MARCHF6: variants seen among roughly 807,000 people sequenced by gnomAD.
MARCHF6 encodes membrane associated ring-CH-type finger 6, also known as E3 ubiquitin-protein ligase MARCHF6.
MARCHF6 carries 31 observed loss-of-function variants against 133.7 expected under a neutral mutation model. That is an observed-to-expected ratio of 0.23 (90% CI 0.17 to 0.31). MARCHF6 has a LOEUF of 0.31. Among genes scored for constraint, MARCHF6 ranks in the 10% least tolerant of loss-of-function variants. The pLI is 1.00. For missense variants in MARCHF6, 723 were observed against 1,121.6 expected (o/e 0.64, Z 5.08); for synonymous variants, 395 against 402.5 (o/e 0.98, Z 0.22).
intron 22 of MARCHF6, among the ~76,000 whole-genome samples, chr5:10,420,514 C>A (rs1291315819): frequency 6.6e-6 from 1 of 152,184 alleles, no homozygotes; most frequent in South Asian, 2.1e-4. Flanking sequence ...CAAACAGATA[C>A]TATCTGCCTT....
chr5:10,391,436 GTTTTTTTTTTTTT>G (rs35378319), intron 6 of MARCHF6, 93 bp from the exon 7 acceptor site: 38 of 306,374 alleles, frequency 1.2e-4, no homozygotes, highest in African/African-American at 1.6e-4. Context: ...CCTGGCCTAG[GTTTTTTTTTTTTT>G]TTTTTTTTTT....
At chr5:10,379,568 C>T (rs924269073) in intron 3 of MARCHF6, among the ~76,000 whole-genome samples, 5 of 151,874 alleles carry the variant, frequency 3.3e-5, no homozygotes, top group African/African-American at 7.3e-5. Context: ...TCACGCCATT[C>T]TCCTGCCTCA....
rs554288871 is a variant in MARCHF6, at chr5:10,384,212, G to A, written c.334+2269G>A. 1.4e-4 allele frequency among the ~76,000 whole-genome samples: 21 copies of A among 152,028 alleles called. No individual in the cohort carries two copies. The South Asian group carries it at 4.4e-3, about 32-fold the overall frequency. ...AAGAAACTTCTAAAATAAAATACAG[G>A]AGAATAAGCATAAAACAAAATATTA... On this transcript the variant is annotated intron_variant, in intron 4 of 25. Coordinates refer to ENST00000274140, the MANE Select transcript of MARCHF6 (RefSeq NM_005885.4).
chr5:10,409,896 T>C (rs572373592), intron 17 of MARCHF6, among the ~76,000 whole-genome samples: 2 of 152,208 alleles, frequency 1.3e-5, no homozygotes, highest in East Asian at 1.9e-4. Flanking sequence ...GCTACTAATA[T>C]AGCAAGTGAG....
Position 10,410,287 on chromosome 5 carries a change from G to A in MARCHF6, c.1691+11G>A, listed in dbSNP as rs374703059. 6.8e-6 allele frequency: 11 copies of A among 1,611,528 alleles called. No individual in the cohort carries two copies. The highest frequency in any genetic ancestry group is 5.9e-6 in the Non-Finnish European group (7 of 1,179,590). On this transcript the variant is annotated intron_variant, in intron 18 of 25. Coordinates refer to ENST00000274140, the MANE Select transcript of MARCHF6 (RefSeq NM_005885.4). The stretch of plus-strand genomic sequence containing the variant: ...CGCCGGATACTTGCTGTGAGTATGG[G>A]CAGCTGACTCCTTGGACATGCATGT...
chr5:10,356,849 C>T (rs997524010), intron 1 of MARCHF6, among the ~76,000 whole-genome samples: 3 of 152,124 alleles, frequency 2.0e-5, no homozygotes, highest in Non-Finnish European at 2.9e-5. Flanking sequence ...TAGTCTGATG[C>T]TCAGAATGTT....
chr5:10,417,294 G>A lies in MARCHF6; in HGVS notation c.2173G>A (p.Val725Met). The A allele has an allele frequency of 2.5e-6, 4 of 1,613,694 alleles. No homozygotes were observed. The highest frequency in any genetic ancestry group is 3.4e-6 in the Non-Finnish European group (4 of 1,179,928). ...GATCATGAAGACTTTGATAGTTGCG[G>A]TGCTGTTGGCTGGAGTTGTCCCTCT... ...LMIMKTLIVA[V>M]LLAGVVPLLL... Residue 725 changes from valine (V) to methionine (M), a missense_variant, in exon 22 of 26, where the codon GTG becomes ATG. Around this residue, in one of 4 missense-constraint regions of MARCHF6, gnomAD observed 492 missense variants for 699.5 expected, o/e 0.70. Coordinates refer to ENST00000274140, the MANE Select transcript of MARCHF6 (RefSeq NM_005885.4).
chr5:10,418,012 C>T (rs1739616757), intron 22 of MARCHF6, among the ~76,000 whole-genome samples: 1 of 152,050 alleles, frequency 6.6e-6, no homozygotes, highest in African/African-American at 2.4e-5. Context: ...TTGTCTTACT[C>T]CTTTTGACTT....
At chr5:10,430,486 A>T (rs1740311846) in intron 25 of MARCHF6, among the ~76,000 whole-genome samples, 1 of 151,758 alleles carries the variant, frequency 6.6e-6, no homozygotes, top group South Asian at 2.1e-4. Context: ...TTGTATTTTT[A>T]GTAGAGACAG....
Position 10,435,695 on chromosome 5 carries a change from A to T in MARCHF6, c.*2011A>T, listed in dbSNP as rs866339049. ...TATATATATATATATATATATATAT[A>T]TATTTTTTTTTTTTTTTTTTTTTTT... On this transcript the variant is annotated 3_prime_UTR_variant, in exon 26 of 26. Coordinates refer to ENST00000274140, the MANE Select transcript of MARCHF6 (RefSeq NM_005885.4). 0.084 allele frequency: 688 copies of T among 8,176 alleles called. 118 individuals carry two copies. The highest frequency in any genetic ancestry group is 0.27 in the African/African-American group (492 of 1,828). The allele number at this position is 8,176 out of a possible 1,614,324, so 0.5% of individuals were successfully genotyped here.
chr5:10,358,981 AC>A (rs1735650621), intron 1 of MARCHF6, among the ~76,000 whole-genome samples: 1 of 152,228 alleles, frequency 6.6e-6, no homozygotes, highest in South Asian at 2.1e-4. Flanking sequence ...CGTAGTGCAT[AC>A]TGTGCTACTG....
intron 15 of MARCHF6, among the ~76,000 whole-genome samples, chr5:10,405,323 T>C (rs1298426812): frequency 6.6e-6 from 1 of 152,158 alleles, no homozygotes; most frequent in Non-Finnish European, 1.5e-5. Context: ...AATGTTTTTT[T>C]TTTCCCCCGC....
At chr5:10,373,602 G>A (rs1736589378) in intron 1 of MARCHF6, among the ~76,000 whole-genome samples, 1 of 152,188 alleles carries the variant, frequency 6.6e-6, no homozygotes, top group Admixed American at 6.5e-5. Flanking sequence ...CAGCAGGACT[G>A]TCTTTGCCAT....
At chr5:10,419,251 AT>A (rs1180576156) in intron 22 of MARCHF6, among the ~76,000 whole-genome samples, 1 of 152,144 alleles carries the variant, frequency 6.6e-6, no homozygotes, top group Non-Finnish European at 1.5e-5. Flanking sequence ...TCAGTATAGT[AT>A]TCAGTAAATT....
At chr5:10,382,545 T>C (rs1737216313) in intron 4 of MARCHF6, among the ~76,000 whole-genome samples, 1 of 149,374 alleles carries the variant, frequency 6.7e-6, no homozygotes, top group African/African-American at 2.5e-5. Context: ...AATACTCACA[T>C]GGCCAGGCGT....
intron 1 of MARCHF6, among the ~76,000 whole-genome samples, chr5:10,367,851 G>A (rs904365326): frequency 6.6e-6 from 1 of 152,078 alleles, no homozygotes; most frequent in Non-Finnish European, 1.5e-5. Context: ...AAGACATTAG[G>A]TATTCAAATA....
intron 7 of MARCHF6, among the ~76,000 whole-genome samples, chr5:10,392,248 G>A (rs925498318): frequency 8.5e-5 from 13 of 152,138 alleles, no homozygotes; most frequent in African/African-American, 2.6e-4. Context: ...GAGCCACTGC[G>A]CCCGGCCTAC....
At chr5:10,401,084 G>A (rs1211164853) in intron 11 of MARCHF6, 39 of 395,750 alleles carry the variant, frequency 9.9e-5, no homozygotes, top group Non-Finnish European at 2.3e-5. Context: ...GAGGCATACC[G>A]TGGGAAAGTT....
intron 1 of MARCHF6, chr5:10,354,553 C>A (rs564054095): frequency 1.3e-5 from 2 of 152,034 alleles, no homozygotes; most frequent in African/African-American, 4.8e-5. Flanking sequence ...TTTTGTTTTG[C>A]GATTGCTTGT....
Sources: gnomAD v4.1 joint callset for allele counts (sites outside exome capture counted in the v4.1 genomes callset) on GRCh38, gnomAD v4.1.1 for gene constraint, gnomAD v4.1.1 regional missense constraint, MANE v1.5 for transcripts, NCBI Gene and HGNC (gene_info 2026-07-23, HGNC 2026-07-21) for gene names.